Variants in KLHL29 observed in about 807,000 individuals in gnomAD.
KLHL29 encodes the protein kelch like family member 29.
Under a neutral mutation model 80.4 loss-of-function variants are expected in KLHL29, and 21 were observed. The ratio of observed to expected loss-of-function variants is 0.26; its 90% CI spans 0.19 to 0.38. KLHL29 has a LOEUF of 0.38. Ranked by LOEUF, KLHL29 falls within the 10% of genes least tolerant of loss-of-function variation. The pLI is 1.00. For missense variants in KLHL29, 867 were observed against 1,223.9 expected (o/e 0.71, Z 4.35); for synonymous variants, 511 against 526.8 (o/e 0.97, Z 0.41).
At chr2:23,533,518 C>T (rs543276625) in intron 2 of KLHL29, among the ~76,000 whole-genome samples, 2 of 152,248 alleles carry the variant, frequency 1.3e-5, no homozygotes, top group African/African-American at 2.4e-5. Flanking sequence ...AGCCCTGGGT[C>T]GTAGATGCAG....
At chr2:23,615,085 C>T (rs1008943090) in intron 3 of KLHL29, among the ~76,000 whole-genome samples, 3 of 152,372 alleles carry the variant, frequency 2.0e-5, no homozygotes, top group South Asian at 2.1e-4. Context: ...GCTTCTTCCA[C>T]GTCCTATCCA....
intron 1 of KLHL29, among the ~76,000 whole-genome samples, chr2:23,422,614 G>A (rs1175135628): frequency 6.6e-6 from 1 of 151,496 alleles, no homozygotes; most frequent in Non-Finnish European, 1.5e-5. Context: ...GTGCCTGTGT[G>A]TGTGTCCCTG....
In KLHL29 at chr2:23,696,358, G is replaced by C; in HGVS notation, c.1950G>C (p.Leu650=). ...LSGGMESGVT[L]ADVWCYMSLL... ...GTGGGATGGAATCAGGGGTGACGCT[G>C]GCTGATGTCTGGTGCTACATGTCCC... The change falls in exon 11 of 14, where the codon CTG becomes CTC. Residue 650 remains leucine, a synonymous_variant. Transcript: ENST00000486442. This position sits in a 1 kb window ranked among gnomAD's most constrained non-coding sequence, Gnocchi z 5.5. The C allele has an allele frequency of 6.4e-7, 1 of 1,551,628 alleles. No individual in the cohort carries two copies. Among genetic ancestry groups the C allele is most frequent in the Non-Finnish European group, 8.7e-7 (1 of 1,146,980 alleles).
intron 2 of KLHL29, among the ~76,000 whole-genome samples, chr2:23,536,428 G>A (rs923367878): frequency 1.7e-4 from 26 of 152,188 alleles, no homozygotes; most frequent in Non-Finnish European, 2.2e-4. Flanking sequence ...GGTACTTGTC[G>A]CAGCAGGGGG....
chr2:23,698,702 G>GCAGT (rs1177000506), intron 11 of KLHL29, among the ~76,000 whole-genome samples: 3 of 152,104 alleles, frequency 2.0e-5, no homozygotes. Flanking sequence ...GCAATATATT[G>GCAGT]CAGTCACTGT....
chr2:23,389,234 C>T (rs144003198), intron 1 of KLHL29, among the ~76,000 whole-genome samples: 124 of 152,214 alleles, frequency 8.1e-4, no homozygotes, highest in African/African-American at 2.9e-3. Context: ...GTCCACTGAA[C>T]AGGCAGTTTT....
intron 2 of KLHL29, chr2:23,532,495 G>T (rs1666523599): frequency 2.2e-6 from 1 of 446,774 alleles, no homozygotes. Context: ...CCCTGCTAGT[G>T]GAGCTTTGTG....
In KLHL29 at chr2:23,649,766, T is replaced by C. The variant is rs563110695; in HGVS notation, c.940+6916T>C. On this transcript the variant is annotated intron_variant, in intron 5 of 13. Transcript: ENST00000486442. ...CAGACGAGAGCCAAGGGTGGGAACA[T>C]TTCCTTCCTGGGGGCTTCAGGTGAT... 2.6e-5 allele frequency among the ~76,000 whole-genome samples: 4 copies of C among 152,304 alleles called. No individual in the cohort carries two copies. In the East Asian group the frequency reaches 7.7e-4, roughly 29 times the overall value.
At chr2:23,401,354 C>T (rs1489890558) in intron 1 of KLHL29, among the ~76,000 whole-genome samples, 1 of 152,202 alleles carries the variant, frequency 6.6e-6, no homozygotes, top group Admixed American at 6.5e-5. Flanking sequence ...GGTCCCCACC[C>T]TAAGTCCACC....
chr2:23,502,175 A>G (rs1272346219), intron 2 of KLHL29, among the ~76,000 whole-genome samples: 1 of 152,152 alleles, frequency 6.6e-6, no homozygotes, highest in African/African-American at 2.4e-5. Flanking sequence ...GACATTCGCA[A>G]TGCCTCCAGA....
chr2:23,628,887 G>A (rs1669394899), intron 3 of KLHL29, among the ~76,000 whole-genome samples: 1 of 152,200 alleles, frequency 6.6e-6, no homozygotes, highest in Non-Finnish European at 1.5e-5. Flanking sequence ...CCTGGGGAGG[G>A]CGGGGGTGGG....
chr2:23,446,488 C>A (rs1663686054), intron 1 of KLHL29, among the ~76,000 whole-genome samples: 2 of 152,240 alleles, frequency 1.3e-5, no homozygotes, highest in Non-Finnish European at 2.9e-5. Context: ...ACTTAGCCTG[C>A]AGCGTGGAGT....
At chr2:23,638,270 C>T (rs1430635670) in intron 3 of KLHL29, among the ~76,000 whole-genome samples, 1 of 152,058 alleles carries the variant, frequency 6.6e-6, no homozygotes, top group East Asian at 1.9e-4. Flanking sequence ...CTGTTTTTCT[C>T]ATTAAACATT....
In KLHL29 at chr2:23,452,364, T is replaced by A. The variant is rs1433945261; in HGVS notation, c.-153-23196T>A. 2.0e-5 allele frequency among the ~76,000 whole-genome samples: 3 copies of A among 151,740 alleles called. No individual in the cohort carries two copies. In the East Asian group the frequency reaches 5.8e-4, roughly 29 times the overall value. ...CATGAACTGAGTAAGAACTCACTCATCACCAAGGGGATGGTGCCGAGCCAT... is the reference window on the plus strand; with the variant it reads ...CATGAACTGAGTAAGAACTCACTCAACACCAAGGGGATGGTGCCGAGCCAT... On this transcript the variant is annotated intron_variant, in intron 1 of 13. Coordinates refer to ENST00000486442, the MANE Select transcript of KLHL29 (RefSeq NM_052920.2).
chr2:23,703,053 T>TA (rs1352617692), intron 11 of KLHL29, 133 bp from the exon 12 acceptor site: 1 of 578,350 alleles, frequency 1.7e-6, no homozygotes, highest in African/African-American at 2.0e-5. Flanking sequence ...TGCCCCCCAC[T>TA]GCTGGTGTGA....
intron 2 of KLHL29, among the ~76,000 whole-genome samples, chr2:23,508,638 A>G (rs533924139): frequency 1.2e-4 from 18 of 152,344 alleles, no homozygotes; most frequent in African/African-American, 1.7e-4. Context: ...GTTTGCCACA[A>G]TATCTCAGCC....
chr2:23,577,307 C>A (rs1359233001), intron 3 of KLHL29, among the ~76,000 whole-genome samples: 1 of 151,638 alleles, frequency 6.6e-6, no homozygotes, highest in Admixed American at 6.6e-5. Flanking sequence ...ACGAAATAGC[C>A]GGGCATGGTG....
chr2:23,671,341 T>G (rs1670752371), intron 5 of KLHL29, among the ~76,000 whole-genome samples: 1 of 152,164 alleles, frequency 6.6e-6, no homozygotes. Flanking sequence ...TCTCTGCGTC[T>G]CTTTCCACTC....
At chr2:23,472,964 A>T (rs992239401) in intron 1 of KLHL29, among the ~76,000 whole-genome samples, 9 of 152,338 alleles carry the variant, frequency 5.9e-5, no homozygotes, top group Middle Eastern at 3.4e-3. Context: ...ATCCACAAAG[A>T]TGAATAGGCA....
Sources: allele counts gnomAD v4.1 joint callset (sites outside exome capture counted in the v4.1 genomes callset), GRCh38; gene constraint gnomAD v4.1.1; non-coding constraint Gnocchi (gnomAD v3.1); transcripts MANE v1.5; gene names NCBI Gene and HGNC (gene_info 2026-07-23, HGNC 2026-07-21).